GPHN: variants seen among roughly 807,000 people sequenced by gnomAD.
GPHN encodes gephyrin.
Under a neutral mutation model 95.5 loss-of-function variants are expected in GPHN, and 17 were observed. That is an observed-to-expected ratio of 0.18 (90% confidence interval 0.12 to 0.27). GPHN has a LOEUF of 0.27. Among genes scored for constraint, GPHN ranks in the 10% least tolerant of loss-of-function variants. GPHN has a pLI of 1.00. For synonymous variants in GPHN, 320 were observed against 322.5 expected (o/e 0.99, Z 0.08); for missense variants, 660 against 978.1 (o/e 0.67, Z 4.34).
At chr14:66,676,553 A>G (rs1053311097) in intron 1 of GPHN, among the ~76,000 whole-genome samples, 3 of 152,028 alleles carry the variant, frequency 2.0e-5, no homozygotes, top group Admixed American at 6.6e-5. Flanking sequence ...TGGATTTGAG[A>G]TGATCATATG....
chr14:67,411,345 G>T, the GPHN span, among the ~76,000 whole-genome samples: 1 of 152,072 alleles, frequency 6.6e-6, no homozygotes, highest in African/African-American at 2.4e-5. Flanking sequence ...GCTATTACTG[G>T]CTCTGGAGCT....
At chr14:66,768,265 A>C (rs1208070239) in intron 2 of GPHN, among the ~76,000 whole-genome samples, 1 of 151,998 alleles carries the variant, frequency 6.6e-6, no homozygotes, top group Non-Finnish European at 1.5e-5. Flanking sequence ...ATAAATTGCA[A>C]AATGAGGGAG....
At chr14:66,804,706 A>G (rs967694702) in intron 3 of GPHN, among the ~76,000 whole-genome samples, 4 of 152,216 alleles carry the variant, frequency 2.6e-5, no homozygotes, top group Non-Finnish European at 4.4e-5. Context: ...TTACTCTGGA[A>G]AGTTTCCTCC....
chr14:66,651,585 T>C (rs1368835482), intron 1 of GPHN, among the ~76,000 whole-genome samples: 3 of 152,150 alleles, frequency 2.0e-5, no homozygotes, highest in Non-Finnish European at 4.4e-5. Context: ...TAGAAGAGGA[T>C]CCACTGCTTG....
At chr14:66,618,932 A>G (rs184239775) in intron 1 of GPHN, among the ~76,000 whole-genome samples, 1 of 152,200 alleles carries the variant, frequency 6.6e-6, no homozygotes, top group East Asian at 1.9e-4. Context: ...GTTCTCCCTT[A>G]TCTCCATCTA....
chr14:66,912,313 G>C (rs927429251), intron 5 of GPHN, among the ~76,000 whole-genome samples: 1 of 151,940 alleles, frequency 6.6e-6, no homozygotes, highest in African/African-American at 2.4e-5. Context: ...CAGTTCTTCA[G>C]GCAGAAGCTT....
chr14:66,702,757 A>G (rs922294996), intron 2 of GPHN, among the ~76,000 whole-genome samples: 3 of 152,168 alleles, frequency 2.0e-5, no homozygotes, highest in African/African-American at 7.2e-5. Flanking sequence ...TCTCCAAATG[A>G]TTATAACAAC....
intron 9 of GPHN, among the ~76,000 whole-genome samples, chr14:67,008,844 G>A (rs1261631809): frequency 6.6e-6 from 1 of 152,100 alleles, no homozygotes; most frequent in Non-Finnish European, 1.5e-5. Flanking sequence ...ACTGTACCCA[G>A]CCCTTTTTAA....
chr14:66,640,856 T>C (rs1234532529), intron 1 of GPHN, among the ~76,000 whole-genome samples: 1 of 152,198 alleles, frequency 6.6e-6, no homozygotes, highest in African/African-American at 2.4e-5. Flanking sequence ...CAAGTCTCAG[T>C]TGTATCTGTA....
At chr14:67,659,402 TAGATC>T in the GPHN span, among the ~76,000 whole-genome samples, 1 of 151,962 alleles carries the variant, frequency 6.6e-6, no homozygotes, top group East Asian at 1.9e-4. Context: ...GAAAAGAAAT[TAGATC>T]AATGAGTCAG....
intron 10 of GPHN, among the ~76,000 whole-genome samples, chr14:67,049,540 G>C (rs1356439374): frequency 6.9e-6 from 1 of 145,230 alleles, no homozygotes; most frequent in Non-Finnish European, 1.5e-5. Flanking sequence ...TTGAGACAGA[G>C]TCTCGCTCTG....
At chr14:66,685,437 G>T (rs1216126427) in intron 2 of GPHN, among the ~76,000 whole-genome samples, 1 of 152,094 alleles carries the variant, frequency 6.6e-6, no homozygotes, top group African/African-American at 2.4e-5. Context: ...TTTAATGATT[G>T]CCATTCTAAC....
chr14:66,949,845 T>C (rs188686991), intron 8 of GPHN, among the ~76,000 whole-genome samples: 2 of 152,264 alleles, frequency 1.3e-5, no homozygotes, highest in Admixed American at 6.5e-5. Context: ...ATGTTTACTT[T>C]ATTGGCATTC....
chr14:67,193,678 C>T, the GPHN span, among the ~76,000 whole-genome samples: 1 of 147,066 alleles, frequency 6.8e-6, no homozygotes, highest in African/African-American at 2.5e-5. Context: ...CACAGTGGCT[C>T]ATGCCTATAA....
intron 5 of GPHN, among the ~76,000 whole-genome samples, chr14:66,890,969 ACAT>A (rs1398823719): frequency 6.6e-6 from 1 of 152,150 alleles, no homozygotes; most frequent in Admixed American, 6.6e-5. Flanking sequence ...CCCACAGCTC[ACAT>A]CATATTCAGC....
the GPHN span, chr14:67,729,219 C>G: frequency 6.2e-7 from 1 of 1,612,180 alleles, no homozygotes; most frequent in African/African-American, 1.3e-5. Context: ...ACGCAGTGCA[C>G]CCAGGCGTCG....
the GPHN span, among the ~76,000 whole-genome samples, chr14:67,609,368 C>T: frequency 2.6e-5 from 4 of 152,134 alleles, no homozygotes; most frequent in African/African-American, 7.2e-5. Context: ...TGAGCTCAGG[C>T]GCTTTTGTCC....
At chr14:67,500,181 A>G in the GPHN span, among the ~76,000 whole-genome samples, 4 of 152,070 alleles carry the variant, frequency 2.6e-5, no homozygotes, top group African/African-American at 9.7e-5. Context: ...AAATAAATAA[A>G]TAGAAAACAA....
At position 66,885,268 on chromosome 14, in the gene GPHN, C is replaced by G. The variant is rs533807618; in HGVS notation, c.389+5235C>G. ...TATATATAGGAATCTGTTTCTCCAC[C>G]TGGACAACCGTTTGAACTGGCAGGA... On this transcript the variant is annotated intron_variant, in intron 5 of 22. Coordinates refer to ENST00000478722, the MANE Select transcript of GPHN (RefSeq NM_020806.5). Among the ~76,000 whole-genome samples the G allele has an allele frequency of 1.2e-4, 19 of 152,060 alleles. 1 individual carries two copies. Among genetic ancestry groups the G allele is most frequent in the Admixed American group, 3.3e-4 (5 of 15,256 alleles).
Sources: gnomAD v4.1 joint callset for allele counts (sites outside exome capture counted in the v4.1 genomes callset) on GRCh38, gnomAD v4.1.1 for gene constraint, MANE v1.5 for transcripts, NCBI Gene and HGNC (gene_info 2026-07-23, HGNC 2026-07-21) for gene names.